The following MAX variants were observed in gnomAD, a reference collection of about 807,000 sequenced individuals.
The protein encoded by MAX is MYC associated transcriptional regulator X.
A neutral mutation model predicts 22.3 loss-of-function variants in MAX; 3 were observed. That is an observed-to-expected ratio of 0.13 (90% CI 0.06 to 0.35). MAX has a LOEUF of 0.35. Ranked by LOEUF, MAX falls within the 10% of genes least tolerant of loss-of-function variation. MAX has a pLI of 1.00. For synonymous variants in MAX, 72 were observed against 77.7 expected, an observed-to-expected ratio of 0.93 and a Z score of 0.39; for missense variants, 119 against 209.4, an observed-to-expected ratio of 0.57 and a Z score of 2.66.
In MAX at chr14:65,076,709, G is replaced by A. The variant is rs1253638939; in HGVS notation, c.296-46C>T. 1 of 1,612,446 alleles carries A rather than the reference G, an allele frequency of 6.2e-7. No individual in the cohort carries two copies. Among genetic ancestry groups the A allele is most frequent in the South Asian group, 1.1e-5 (1 of 90,960 alleles). ...TGTGTTACTGCCTTCTGGAGACTTG[G>A]GGAGTAACCGAGTCTCAGACTCAGG... On this transcript the variant is annotated intron_variant, in intron 4 of 4. Transcript: ENST00000358664. This position sits in a 1 kb window ranked among gnomAD's most constrained non-coding sequence, Gnocchi z 6.6.
intron 3 of MAX, chr14:65,015,579 G>A (rs758595283): frequency 6.2e-7 from 1 of 1,606,946 alleles, no homozygotes; most frequent in Admixed American, 1.7e-5. Context: ...CAGTGTCTTG[G>A]AGTGATTGTG....
intron 3 of MAX, chr14:65,040,820 G>T (rs138149266): frequency 9.9e-6 from 16 of 1,613,416 alleles, no homozygotes; most frequent in Non-Finnish European, 1.3e-5. Flanking sequence ...GCATTGGCGG[G>T]GTACCAGGGA....
rs749243788 is a variant in MAX at position 65,043,828 on chromosome 14, CA to C, written c.172-37545del. Among the ~76,000 whole-genome samples, 400 of 64,198 alleles carry C rather than the reference CA, an allele frequency of 6.2e-3. 1 individual carries two copies. The highest frequency in any genetic ancestry group is 0.024 in the South Asian group (30 of 1,250). 42.1% of individuals were successfully genotyped at this position (64,198 alleles called of 152,430 possible). ...TGGGCGACAGAGCGAGACTCCGTCTCAAAAAAAAAAAAAAAAAAAAAAAAAA... is the reference window on the plus strand; with the variant it reads ...TGGGCGACAGAGCGAGACTCCGTCTCAAAAAAAAAAAAAAAAAAAAAAAAA... On this transcript the variant is annotated intron_variant, in intron 3 of 3. Transcript: ENST00000341653.
downstream of MAX, among the ~76,000 whole-genome samples, chr14:65,070,217 C>T (rs1302998770): frequency 6.6e-6 from 1 of 152,208 alleles, no homozygotes; most frequent in Non-Finnish European, 1.5e-5. This position sits in a 1 kb window ranked among gnomAD's most constrained non-coding sequence, Gnocchi z 4.4. Flanking sequence ...AGGCACACCT[C>T]CCTCTATCAG....
intron 3 of MAX, among the ~76,000 whole-genome samples, chr14:65,013,287 G>A (rs1014991022): frequency 1.3e-5 from 2 of 151,756 alleles, no homozygotes; most frequent in African/African-American, 4.8e-5. Flanking sequence ...CTGCCATCTG[G>A]GAATGCAGAC....
At chr14:65,048,612 G>A (rs148010371) in intron 3 of MAX, among the ~76,000 whole-genome samples, 69 of 152,302 alleles carry the variant, frequency 4.5e-4, no homozygotes, top group Middle Eastern at 3.4e-3. Flanking sequence ...CAGCACTTTG[G>A]GAGGCCAAAG....
chr14:65,042,580 A>G (rs2062376672), intron 3 of MAX, among the ~76,000 whole-genome samples: 1 of 152,138 alleles, frequency 6.6e-6, no homozygotes, highest in Admixed American at 6.6e-5. Context: ...CCCACCACTC[A>G]TGTCCTGCTG....
downstream of MAX, among the ~76,000 whole-genome samples, chr14:65,071,353 AG>A (rs1440272580): frequency 6.6e-6 from 1 of 152,168 alleles, no homozygotes; most frequent in African/African-American, 2.4e-5. This position sits in a 1 kb window ranked among gnomAD's most constrained non-coding sequence, Gnocchi z 4.2. Context: ...CACATTGACC[AG>A]GCTGGTCTCA....
chr14:65,024,519 G>A (rs1050203435), intron 3 of MAX, among the ~76,000 whole-genome samples: 1 of 152,150 alleles, frequency 6.6e-6, no homozygotes, highest in Admixed American at 6.6e-5. Flanking sequence ...ACACATTTTG[G>A]GTTTGAAGAT....
At chr14:65,090,981 A>C (rs2063490896) in intron 3 of MAX, among the ~76,000 whole-genome samples, 1 of 152,238 alleles carries the variant, frequency 6.6e-6, no homozygotes, top group South Asian at 2.1e-4. Flanking sequence ...CTTAGGACGC[A>C]TATGACAGAT....
downstream of MAX, among the ~76,000 whole-genome samples, chr14:65,072,281 T>G (rs1339263209): frequency 6.6e-6 from 1 of 152,134 alleles, no homozygotes; most frequent in Non-Finnish European, 1.5e-5. Flanking sequence ...TGCTTGGGGC[T>G]TCTAAAGGGG....
intron 3 of MAX, chr14:65,016,461 C>G (rs138052630): frequency 6.6e-6 from 1 of 152,230 alleles, no homozygotes; most frequent in African/African-American, 2.4e-5. Context: ...GGCAGCATCT[C>G]GAATTTCTCA....
intron 3 of MAX, among the ~76,000 whole-genome samples, chr14:65,064,986 A>C (rs192120855): frequency 6.6e-6 from 1 of 152,376 alleles, no homozygotes; most frequent in Non-Finnish European, 1.5e-5. Flanking sequence ...ATTTTCATTT[A>C]TCTCTCTTTG....
rs887677403 is a variant in MAX, at chr14:65,009,569, T to G, written c.172-3285A>C. 1.3e-5 allele frequency among the ~76,000 whole-genome samples: 2 copies of G among 152,052 alleles called. No homozygotes were observed. Among genetic ancestry groups the G allele is most frequent in the African/African-American group, 4.8e-5 (2 of 41,392 alleles). On this transcript the variant is annotated intron_variant, in intron 3 of 3. Coordinates refer to the MAX transcript ENST00000341653. The surrounding 1 kb of genome is among the most constrained non-coding windows in gnomAD (Gnocchi z 4.2). ...TCTCGCTCAAAGAATGCAGCATCCT[T>G]CCTTATTCCAGGCTCACCTCTCCTA...
chr14:65,011,928 C>T lies in MAX; in HGVS notation c.172-5644G>A, dbSNP rs945351197. ...CGGCTGAGGCAGGGAAGTGGCGAGG[C>T]TCAGATTTAAATTGCTTATAGGATG... On this transcript the variant is annotated intron_variant, in intron 3 of 3. Transcript: ENST00000341653. This position sits in a 1 kb window ranked among gnomAD's most constrained non-coding sequence, Gnocchi z 4.0. Among the ~76,000 whole-genome samples, 2 of 152,108 alleles carry T rather than the reference C, an allele frequency of 1.3e-5. No individual in the cohort carries two copies. Among genetic ancestry groups the T allele is most frequent in the African/African-American group, 4.8e-5 (2 of 41,402 alleles).
intron 3 of MAX, among the ~76,000 whole-genome samples, chr14:65,056,108 A>G (rs1771275977): frequency 6.6e-6 from 1 of 152,140 alleles, no homozygotes; most frequent in Admixed American, 6.5e-5. Context: ...ATAGTTTTTT[A>G]TAAGCAATAT....
rs1203451642 is a variant in MAX at position 65,075,225 on chromosome 14, TCCATG to T, written c.*1246_*1250del. 2 of 1,053,824 alleles carry T rather than the reference TCCATG, an allele frequency of 1.9e-6. No homozygotes were observed. The highest frequency in any genetic ancestry group is 2.3e-6 in the Non-Finnish European group (2 of 872,076). The allele number at this position is 1,053,824 out of a possible 1,614,324, so 65.3% of individuals were successfully genotyped here. A position where few individuals can be genotyped will look rare whatever the true frequency, so the allele number is the denominator to read the frequency against. On this transcript the variant is annotated 3_prime_UTR_variant, in exon 5 of 5. Coordinates refer to ENST00000358664, the MANE Select transcript of MAX (RefSeq NM_002382.5). This position sits in a 1 kb window ranked among gnomAD's most constrained non-coding sequence, Gnocchi z 4.1. ...CAGTATGTACAACATACTTTTTATT[TCCATG>T]GAATGGAATCAAACACGAACTGAGA...
intron 3 of MAX, among the ~76,000 whole-genome samples, chr14:65,020,451 A>G (rs1480716068): frequency 1.3e-5 from 2 of 150,862 alleles, no homozygotes; most frequent in Non-Finnish European, 3.0e-5. Context: ...TTTTTTTGAG[A>G]GTCTCGCTCT....
rs2063033587 is a variant in MAX at position 65,075,464 on chromosome 14, T to C, written c.*1012A>G. On this transcript the variant is annotated 3_prime_UTR_variant, in exon 5 of 5. Coordinates refer to ENST00000358664, the MANE Select transcript of MAX (RefSeq NM_002382.5). This position sits in a 1 kb window ranked among gnomAD's most constrained non-coding sequence, Gnocchi z 4.1. ...AAGGGTCCGCACTGGGGTGCGGGTTTAGTACCAGGTAAATTGCTCTTGGTA... is the reference window on the plus strand; with the variant it reads ...AAGGGTCCGCACTGGGGTGCGGGTTCAGTACCAGGTAAATTGCTCTTGGTA... 1.9e-6 allele frequency: 2 copies of C among 1,064,156 alleles called. No homozygotes were observed. The highest frequency in any genetic ancestry group is 9.1e-5 in the South Asian group (2 of 21,970). 65.9% of individuals were successfully genotyped at this position (1,064,156 alleles called of 1,614,324 possible).
Sources: allele counts gnomAD v4.1 joint callset (sites outside exome capture counted in the v4.1 genomes callset), GRCh38; gene constraint gnomAD v4.1.1; non-coding constraint Gnocchi (gnomAD v3.1); transcripts MANE v1.5; gene names NCBI Gene and HGNC (gene_info 2026-07-23, HGNC 2026-07-21).